Variants in CTSB observed in about 807,000 individuals in gnomAD.
CTSB encodes cathepsin B, also known as APP secretase.
In CTSB, 57 loss-of-function variants were observed where a neutral mutation model predicts 44.3. The ratio of observed to expected loss-of-function variants is 1.29; its 90% CI spans 1.04 to 1.60. The LOEUF (loss-of-function observed/expected upper bound fraction) is 1.60, where lower values mean the gene tolerates loss of function less well. Among genes scored for constraint, CTSB ranks in the 40% most tolerant of loss-of-function variants. CTSB has a pLI of 0.00. For synonymous variants in CTSB, 320 were observed against 168.0 expected, an observed-to-expected ratio of 1.91 and a Z score of -7.00; for missense variants, 768 against 443.0, an observed-to-expected ratio of 1.73 and a Z score of -6.59.
chr8:11,860,355 G>A (rs533361022), intron 1 of CTSB, among the ~76,000 whole-genome samples: 9 of 152,288 alleles, frequency 5.9e-5, no homozygotes, highest in African/African-American at 1.9e-4. Flanking sequence ...GGGCACAGTG[G>A]CACACACCTG....
At chr8:11,847,562 C>G (rs916922595) in intron 7 of CTSB, 117 bp downstream of exon 7, 4 of 1,167,572 alleles carry the variant, frequency 3.4e-6, no homozygotes, top group African/African-American at 1.6e-5. Flanking sequence ...CCTCCTCTAT[C>G]CTAGAGTTCC....
At chr8:11,850,452 G>C (rs983327483) in intron 4 of CTSB, among the ~76,000 whole-genome samples, 43 of 133,848 alleles carry the variant, frequency 3.2e-4, no homozygotes, top group African/African-American at 1.2e-3. Flanking sequence ...GAAAGAAAAA[G>C]AAAACAAAAG....
rs709821 is a variant in CTSB, at chr8:11,845,085, G to T, written c.*40C>A. ...AAAGAATAAAATGCATTTCTACCCC[G>T]ATCTCGCCCCCAGGACTGGCACGAC... On this transcript the variant is annotated 3_prime_UTR_variant, in exon 10 of 10. Transcript: ENST00000353047. The T allele has an allele frequency of 1.5e-6, 2 of 1,323,910 alleles. No individual in the cohort carries two copies. The highest frequency in any genetic ancestry group is 2.2e-6 in the Non-Finnish European group (2 of 916,066). 82.0% of individuals were successfully genotyped at this position (1,323,910 alleles called of 1,614,324 possible). A position where few individuals can be genotyped will look rare whatever the true frequency, so the allele number is the denominator to read the frequency against.
At chr8:11,847,299 G>T in intron 7 of CTSB, 131 bp from the exon 8 acceptor site, 1 of 681,524 alleles carries the variant, frequency 1.5e-6, no homozygotes, top group East Asian at 2.5e-5. Context: ...GCCCTGCCAG[G>T]GGAGCTCAAG....
At chr8:11,851,372 T>C (rs1015459471) in intron 3 of CTSB, among the ~76,000 whole-genome samples, 2 of 151,914 alleles carry the variant, frequency 1.3e-5, no homozygotes, top group African/African-American at 4.8e-5. Flanking sequence ...GTATTTTTAG[T>C]AAAGACAGGG....
In CTSB at chr8:11,848,264, G is replaced by A. The variant is rs764345940; in HGVS notation, c.447-112C>T. The A allele has an allele frequency of 5.5e-6, 5 of 903,750 alleles. No homozygotes were observed. In the Admixed American group the frequency reaches 5.7e-5, roughly 10 times the overall value. 56.0% of individuals were successfully genotyped at this position (903,750 alleles called of 1,614,324 possible). A position where few individuals can be genotyped will look rare whatever the true frequency, so the allele number is the denominator to read the frequency against. On this transcript the variant is annotated intron_variant, in intron 5 of 9. Coordinates refer to ENST00000353047, the MANE Select transcript of CTSB (RefSeq NM_001908.5). ...ACTCGTGGACCCACCCCCAGCTGCA[G>A]CAAGTGGTGCGAGCAGACCTCCCAG...
intron 8 of CTSB, 78 bp downstream of exon 8, chr8:11,846,965 AGCCCTATTG>A (rs1813484163): frequency 1.3e-6 from 1 of 743,490 alleles, no homozygotes; most frequent in African/African-American, 1.8e-5. Flanking sequence ...TGCCCAATCC[AGCCCTATTG>A]GTCAACATGA....
intron 7 of CTSB, 117 bp downstream of exon 7, chr8:11,847,562 C>A: frequency 8.6e-7 from 1 of 1,167,690 alleles, no homozygotes; most frequent in Admixed American, 2.7e-5. Context: ...CCTCCTCTAT[C>A]CTAGAGTTCC....
intron 5 of CTSB, chr8:11,848,568 T>C (rs956596233): frequency 5.9e-6 from 2 of 340,912 alleles, no homozygotes; most frequent in African/African-American, 4.3e-5. Flanking sequence ...CCATGCATTT[T>C]TTTAAGCCCT....
intron 1 of CTSB, chr8:11,867,535 T>C (rs535347444): frequency 6.6e-6 from 1 of 152,268 alleles, no homozygotes; most frequent in East Asian, 1.9e-4. Flanking sequence ...TCCTTCGCAA[T>C]GAGGGGGAAA....
At chr8:11,867,151 C>G (rs1019929636) in intron 1 of CTSB, 2 of 152,352 alleles carry the variant, frequency 1.3e-5, no homozygotes, top group African/African-American at 4.8e-5. Flanking sequence ...AAGTGCAATT[C>G]ACTTCCACCT....
intron 1 of CTSB, among the ~76,000 whole-genome samples, chr8:11,865,814 C>A (rs547880586): frequency 6.7e-6 from 1 of 148,884 alleles, no homozygotes; most frequent in African/African-American, 2.5e-5. Flanking sequence ...GAAAACCAGC[C>A]TGGCTAACAT....
intron 3 of CTSB, among the ~76,000 whole-genome samples, chr8:11,852,297 G>T (rs1285093654): frequency 6.6e-6 from 1 of 152,120 alleles, no homozygotes; most frequent in Non-Finnish European, 1.5e-5. Context: ...CTTGAACCCG[G>T]GAGACAGAGT....
At chr8:11,855,837 G>T (rs1399145658) in intron 1 of CTSB, among the ~76,000 whole-genome samples, 1 of 152,086 alleles carries the variant, frequency 6.6e-6, no homozygotes, top group Non-Finnish European at 1.5e-5. Flanking sequence ...GGCCAACATG[G>T]TGAAACCCCG....
rs546122537 is a variant in CTSB, at chr8:11,856,389, G to A, written c.-25-2910C>T. Among the ~76,000 whole-genome samples, 4 of 152,122 alleles carry A rather than the reference G, an allele frequency of 2.6e-5. No individual in the cohort carries two copies. The East Asian group carries it at 7.7e-4, about 29-fold the overall frequency. Reference sequence around the variant, plus strand: ...GCGCATGCCTGTAGCCGAGGCGGTTGGATCACCTGAGGTCAGGAGTTAGAG... The same window carrying A: ...GCGCATGCCTGTAGCCGAGGCGGTTAGATCACCTGAGGTCAGGAGTTAGAG... On this transcript the variant is annotated intron_variant, in intron 1 of 9. Transcript: ENST00000353047.
intron 1 of CTSB, among the ~76,000 whole-genome samples, chr8:11,863,572 G>A (rs1036388887): frequency 2.0e-5 from 3 of 152,160 alleles, no homozygotes; most frequent in Admixed American, 2.0e-4. Context: ...ATTTTTGCAC[G>A]AGTAAAAACA....
intron 1 of CTSB, among the ~76,000 whole-genome samples, chr8:11,855,649 G>A (rs17814360): frequency 0.1 from 15,196 of 152,178 alleles, 935 homozygotes; most frequent in Non-Finnish European, 0.14. Context: ...TTTAGGCTTC[G>A]TTTCCACAAA....
intron 1 of CTSB, among the ~76,000 whole-genome samples, chr8:11,866,102 C>G (rs1031659722): frequency 2.6e-5 from 4 of 151,898 alleles, no homozygotes; most frequent in African/African-American, 9.7e-5. Flanking sequence ...TGAAACGTGA[C>G]CTCCCTTCAA....
chr8:11,846,972 T>C (rs190852102), intron 8 of CTSB, 80 bp downstream of exon 8: 29 of 774,678 alleles, frequency 3.7e-5, no homozygotes, highest in African/African-American at 2.5e-4. Flanking sequence ...TCCAGCCCTA[T>C]TGGTCAACAT....
Sources: gnomAD v4.1 joint callset for allele counts (sites outside exome capture counted in the v4.1 genomes callset) on GRCh38, gnomAD v4.1.1 for gene constraint, MANE v1.5 for transcripts, NCBI Gene and HGNC (gene_info 2026-07-23, HGNC 2026-07-21) for gene names.